The following CACFD1 variants were observed in gnomAD, a reference collection of about 807,000 sequenced individuals.
CACFD1 encodes calcium channel flower homolog.
CACFD1 carries 26 observed loss-of-function variants against 21.3 expected under a neutral mutation model. The ratio of observed to expected loss-of-function variants is 1.22; its 90% confidence interval spans 0.89 to 1.69. The LOEUF (loss-of-function observed/expected upper bound fraction) is 1.69. CACFD1 is among the 40% of genes most tolerant of loss of function. CACFD1 has a pLI of 0.00. For synonymous variants in CACFD1, 121 were observed against 106.6 expected, an observed-to-expected ratio of 1.13 and a Z score of -0.83; for missense variants, 265 against 236.2, an observed-to-expected ratio of 1.12 and a Z score of -0.80.
chr9:133,466,763 C>T (rs1194866597), intron 3 of CACFD1, among the ~76,000 whole-genome samples: 1 of 152,012 alleles, frequency 6.6e-6, no homozygotes, highest in Non-Finnish European at 1.5e-5. Flanking sequence ...CTGCACACCA[C>T]TTCACATTCG....
At chr9:133,460,307 CG>C in intron 1 of CACFD1, 120 bp downstream of exon 1, 1 of 941,834 alleles carries the variant, frequency 1.1e-6, no homozygotes, top group Non-Finnish European at 1.4e-6. Flanking sequence ...GGGGGTCTGC[CG>C]GGCGCCTCCC....
intron 1 of CACFD1, 109 bp downstream of exon 1, chr9:133,460,296 C>A: frequency 9.6e-7 from 1 of 1,044,770 alleles, no homozygotes; most frequent in South Asian, 2.3e-5. Context: ...CGCTGGGGGT[C>A]GGGGGTCTGC....
At chr9:133,463,437 T>C in intron 1 of CACFD1, 46 bp from the exon 2 acceptor site, 6 of 1,613,020 alleles carry the variant, frequency 3.7e-6, no homozygotes, top group Non-Finnish European at 4.2e-6. Context: ...CCCAGCGGGC[T>C]CCGCCTGCCT....
chr9:133,461,792 A>C (rs1843229176), intron 1 of CACFD1: 1 of 864,106 alleles, frequency 1.2e-6, no homozygotes. Flanking sequence ...TGGTTATGTG[A>C]ACATCAAAAT....
chr9:133,460,593 C>T (rs1203452458), intron 1 of CACFD1, among the ~76,000 whole-genome samples: 3 of 151,388 alleles, frequency 2.0e-5, no homozygotes, highest in African/African-American at 7.3e-5. Flanking sequence ...CTGGCCCGTA[C>T]TAAAGCGTCA....
rs1843556286 is a variant in CACFD1, at chr9:133,468,773, C to T, written c.*120C>T. The stretch of plus-strand genomic sequence containing the variant: ...GGGGCCTTTGCACGTGTCCCTACAC[C>T]TGGAGTCCTCTGCTCCTTTCTCCAG... On this transcript the variant is annotated 3_prime_UTR_variant, in exon 5 of 5. Transcript: ENST00000316948. 1 of 1,419,114 alleles carries T rather than the reference C, an allele frequency of 7.0e-7. No homozygotes were observed. The highest frequency in any genetic ancestry group is 2.7e-5 in the Admixed American group (1 of 37,000). The allele number at this position is 1,419,114 out of a possible 1,614,324, so 87.9% of individuals were successfully genotyped here. A position where few individuals can be genotyped will look rare whatever the true frequency, so the allele number is the denominator to read the frequency against.
chr9:133,462,150 G>A, intron 1 of CACFD1: 1 of 1,304,136 alleles, frequency 7.7e-7, no homozygotes, highest in Non-Finnish European at 1.0e-6. Context: ...CTGTGGGTTG[G>A]ACAGCTGGGG....
chr9:133,463,484 T>G lies in CACFD1; in HGVS notation c.123T>G (p.Ser41=). Residue 41 remains serine, a splice_region_variant and synonymous_variant, in exon 2 of 5, where the codon TCT becomes TCG. Transcript: ENST00000316948. The stretch of plus-strand genomic sequence containing the variant: ...CCTGCCCGTGTCTCTTGTTTCAAGC[T>G]TGCGCGATCTCTGGCCTCTTCAACT... ...CRLSGVLGAV[S]CAISGLFNCI... 1 of 1,614,106 alleles carries G rather than the reference T, an allele frequency of 6.2e-7. No individual in the cohort carries two copies. The highest frequency in any genetic ancestry group is 8.5e-7 in the Non-Finnish European group (1 of 1,180,018).
chr9:133,468,669 T>A lies in CACFD1; in HGVS notation c.*16T>A, dbSNP rs587717952. On this transcript the variant is annotated 3_prime_UTR_variant, in exon 5 of 5. Coordinates refer to ENST00000316948, the MANE Select transcript of CACFD1 (RefSeq NM_017586.5). Reference sequence around the variant, plus strand: ...GGAGCTGTGAAGGGCTGGGCGCCCCTCCCTCCCTGTCCCCTCTTCTGGCTC... The same window carrying A: ...GGAGCTGTGAAGGGCTGGGCGCCCCACCCTCCCTGTCCCCTCTTCTGGCTC... The A allele has an allele frequency of 6.4e-6, 10 of 1,552,078 alleles. No homozygotes were observed. In the South Asian group the frequency reaches 1.2e-4, roughly 18 times the overall value.
chr9:133,462,181 A>G (rs997816814), intron 1 of CACFD1: 1 of 1,304,254 alleles, frequency 7.7e-7, no homozygotes, highest in Middle Eastern at 2.1e-4. Context: ...GCTGGAGGCC[A>G]AATGCTGACT....
At chr9:133,468,056 C>G in intron 4 of CACFD1, 28 bp downstream of exon 4, 5 of 1,571,078 alleles carry the variant, frequency 3.2e-6, no homozygotes, top group Non-Finnish European at 4.4e-6. Flanking sequence ...AGCCCCTGGG[C>G]AGGGCCTTCC....
chr9:133,463,658 C>CCACAAGGATGCCCA, intron 2 of CACFD1, 103 bp downstream of exon 2: 1 of 1,232,500 alleles, frequency 8.1e-7, no homozygotes, highest in Non-Finnish European at 1.2e-6. Context: ...GAGTGGGCAT[C>CCACAAGGATGCCCA]CTTGTGGTTG....
chr9:133,462,447 T>A (rs989126982), intron 1 of CACFD1, among the ~76,000 whole-genome samples: 3 of 152,216 alleles, frequency 2.0e-5, no homozygotes, highest in Admixed American at 6.5e-5. Flanking sequence ...TTATCTGGCT[T>A]CTTTGCCTGC....
At chr9:133,462,044 G>A in intron 1 of CACFD1, 1 of 1,284,784 alleles carries the variant, frequency 7.8e-7, no homozygotes, top group Non-Finnish European at 1.0e-6. Flanking sequence ...CAGCATTGAG[G>A]CCCCCAAGTG....
At chr9:133,461,616 C>T (rs1843222418) in intron 1 of CACFD1, among the ~76,000 whole-genome samples, 1 of 152,194 alleles carries the variant, frequency 6.6e-6, no homozygotes. Flanking sequence ...CCTGCCGACT[C>T]CCAGATTTGC....
chr9:133,462,245 A>C (rs957448216), intron 1 of CACFD1: 1 of 1,304,258 alleles, frequency 7.7e-7, no homozygotes, highest in Non-Finnish European at 1.0e-6. Context: ...GCAGAGAGGC[A>C]GGGAGCCGTG....
In CACFD1 at chr9:133,463,536, G is replaced by A. The variant is rs781984451; in HGVS notation, c.175G>A (p.Ala59Thr). Residue 59 changes from alanine to threonine, a missense_variant, in exon 2 of 5, where the codon GCG becomes ACG. Physicochemically the swap from Ala to Thr is moderately conservative, Grantham distance 58. Transcript: ENST00000316948. ...NCITIHPLNI[A>T]AGVWMIMNAF... ...CATCACCATCCACCCTCTGAACATT[G>A]CGGCCGGCGTGTGGATGATGTGAGT... The A allele has an allele frequency of 1.2e-6, 2 of 1,613,880 alleles. No individual in the cohort carries two copies. The highest frequency in any genetic ancestry group is 1.1e-5 in the South Asian group (1 of 91,084).
intron 3 of CACFD1, among the ~76,000 whole-genome samples, chr9:133,467,579 G>A (rs892474121): frequency 1.3e-5 from 2 of 152,212 alleles, no homozygotes; most frequent in Admixed American, 6.5e-5. Flanking sequence ...AAGCTAGTAG[G>A]TCCTGGATGG....
At position 133,469,083 on chromosome 9, in the gene CACFD1, A is replaced by G; in HGVS notation, c.*430A>G. ...CAGCTCTCTTAGCAGGTGGAGCCCC[A>G]GGGCCTGGGACAGCCTGCCGCTGCC... On this transcript the variant is annotated 3_prime_UTR_variant, in exon 5 of 5. Transcript: ENST00000316948. The G allele has an allele frequency of 4.9e-6, 1 of 205,158 alleles. No homozygotes were observed. Among genetic ancestry groups the G allele is most frequent in the South Asian group, 1.7e-4 (1 of 5,800 alleles). The allele number at this position is 205,158 out of a possible 1,614,324, so 12.7% of individuals were successfully genotyped here. A position where few individuals can be genotyped will look rare whatever the true frequency, so the allele number is the denominator to read the frequency against.
Sources: allele counts gnomAD v4.1 joint callset (sites outside exome capture counted in the v4.1 genomes callset), GRCh38; gene constraint gnomAD v4.1.1; transcripts MANE v1.5; gene names NCBI Gene and HGNC (gene_info 2026-07-23, HGNC 2026-07-21).